HECTD4: variants seen among roughly 807,000 people sequenced by gnomAD.
HECTD4 encodes the protein probable E3 ubiquitin-protein ligase HECTD4.
A neutral mutation model predicts 471.5 loss-of-function variants in HECTD4; 114 were observed. The ratio of observed to expected loss-of-function variants is 0.24; its 90% CI spans 0.21 to 0.28. The LOEUF (loss-of-function observed/expected upper bound fraction) is 0.28. Among genes scored for constraint, HECTD4 ranks in the 10% least tolerant of loss-of-function variants. HECTD4 has a pLI of 1.00. For synonymous variants in HECTD4, 2,012 were observed against 2,256.0 expected, an observed-to-expected ratio of 0.89 and a Z score of 3.07; for missense variants, 3,866 against 5,651.5, an observed-to-expected ratio of 0.68 and a Z score of 10.13.
rs372237894 is a variant in HECTD4 at position 112,243,562 on chromosome 12, G to A, written c.4792-43C>T. ...GGACACCTGACTCCTGCTAACTGCC[G>A]CAAGACCCCGCATGCTGTTAGGTGC... On this transcript the variant is annotated intron_variant, in intron 31 of 75. Coordinates refer to ENST00000682272, the MANE Select transcript of HECTD4 (RefSeq NM_001388303.1). This position sits in a 1 kb window ranked among gnomAD's most constrained non-coding sequence, Gnocchi z 6.6. 37 of 1,599,352 alleles carry A rather than the reference G, an allele frequency of 2.3e-5. 1 individual carries two copies. The Middle Eastern group carries it at 9.9e-4, about 43-fold the overall frequency.
chr12:112,211,868 C>T (rs1033467972), intron 49 of HECTD4, among the ~76,000 whole-genome samples: 7 of 152,132 alleles, frequency 4.6e-5, no homozygotes, highest in African/African-American at 1.2e-4. Flanking sequence ...GTCTTGGTCA[C>T]GTTAACCTTG....
chr12:112,237,224 T>C (rs2033531968), intron 34 of HECTD4, 126 bp from the exon 35 acceptor site: 1 of 671,708 alleles, frequency 1.5e-6, no homozygotes, highest in East Asian at 2.9e-5. Context: ...TAATAGTGTC[T>C]CCTCATTAGA....
rs758456873 is a variant in HECTD4 at position 112,266,023 on chromosome 12, A to T, written c.2393-40T>A. The stretch of plus-strand genomic sequence containing the variant: ...AGCTCCATCAACTACCCTGGTAATG[A>T]CTCCTAGAATACTGATGCTATTTTT... On this transcript the variant is annotated intron_variant, in intron 14 of 75. Transcript: ENST00000682272. 4.3e-6 allele frequency: 6 copies of T among 1,390,800 alleles called. No homozygotes were observed. The South Asian group carries it at 5.9e-5, about 14-fold the overall frequency. 86.2% of individuals were successfully genotyped at this position (1,390,800 alleles called of 1,614,324 possible).
At chr12:112,301,852 A>T in intron 7 of HECTD4, 1 of 748,244 alleles carries the variant, frequency 1.3e-6, no homozygotes, top group Non-Finnish European at 2.3e-6. Context: ...TATGTACAGA[A>T]AACTCAACAG....
At chr12:112,218,144 T>C (rs7295628) in intron 45 of HECTD4, among the ~76,000 whole-genome samples, 67,714 of 148,172 alleles carry the variant, frequency 0.46, 19,486 homozygotes, top group East Asian at 0.91. Flanking sequence ...GGTGACAGAG[T>C]GAGACTCCAT....
chr12:112,258,303 G>A (rs759174147), intron 20 of HECTD4, 193 bp downstream of exon 20: 2 of 408,682 alleles, frequency 4.9e-6, no homozygotes, highest in East Asian at 3.7e-5. Context: ...CTTGATCCAT[G>A]GGGAAATTTA....
intron 1 of HECTD4, among the ~76,000 whole-genome samples, chr12:112,375,398 G>C (rs2036757956): frequency 6.6e-6 from 1 of 152,114 alleles, no homozygotes; most frequent in Admixed American, 6.5e-5. Context: ...GGTGGAGAGG[G>C]AGTACTTAAA....
At chr12:112,258,433 G>GTAC (rs1444546181) in intron 20 of HECTD4, 63 bp downstream of exon 20, 1 of 1,143,862 alleles carries the variant, frequency 8.7e-7, no homozygotes, top group Non-Finnish European at 1.2e-6. Context: ...CATAAAAGGA[G>GTAC]TACTACGCTT....
intron 6 of HECTD4, among the ~76,000 whole-genome samples, chr12:112,308,034 G>A (rs113282770): frequency 0.041 from 6,233 of 152,318 alleles, 281 homozygotes; most frequent in African/African-American, 0.11. Context: ...ACATAGTAAT[G>A]CCTCACAGGT....
chr12:112,364,133 G>A (rs1369432962), intron 1 of HECTD4, among the ~76,000 whole-genome samples: 1 of 150,812 alleles, frequency 6.6e-6, no homozygotes, highest in African/African-American at 2.4e-5. Flanking sequence ...GGCTGGGCAC[G>A]GTGGCTCACG....
chr12:112,205,979 T>C (rs897671670), intron 52 of HECTD4, among the ~76,000 whole-genome samples: 2 of 152,206 alleles, frequency 1.3e-5, no homozygotes, highest in Admixed American at 6.5e-5. Context: ...GAGAAGGCTA[T>C]ATGAGCTTCT....
intron 34 of HECTD4, among the ~76,000 whole-genome samples, chr12:112,238,573 C>A (rs747997231): frequency 5.9e-5 from 9 of 151,982 alleles, no homozygotes; most frequent in Non-Finnish European, 1.5e-5. Context: ...ACAACAACAA[C>A]AAAAAACCTT....
Position 112,229,899 on chromosome 12 carries a change from C to T in HECTD4, c.6337-19G>A, listed in dbSNP as rs1055235756. On this transcript the variant is annotated intron_variant, in intron 40 of 75. Transcript: ENST00000682272. The stretch of plus-strand genomic sequence containing the variant: ...ACAGAACCTAAATATAGAAGCAGCC[C>T]GTGCACTAGGAGTTAAAGCTTTGGT... 5 of 1,598,506 alleles carry T rather than the reference C, an allele frequency of 3.1e-6. No homozygotes were observed. Among genetic ancestry groups the T allele is most frequent in the Middle Eastern group, 1.7e-4 (1 of 6,028 alleles).
At chr12:112,221,285 G>C (rs2033087303) in intron 44 of HECTD4, among the ~76,000 whole-genome samples, 1 of 152,074 alleles carries the variant, frequency 6.6e-6, no homozygotes, top group Non-Finnish European at 1.5e-5. Context: ...GTCTCACTCT[G>C]TCTCTCAGGC....
intron 7 of HECTD4, among the ~76,000 whole-genome samples, chr12:112,287,177 C>G (rs1014513202): frequency 6.6e-6 from 1 of 152,188 alleles, no homozygotes; most frequent in African/African-American, 2.4e-5. Context: ...ACCCCATGCA[C>G]TCCCTCTCAC....
chr12:112,247,124 AAAC>A (rs1206772260), intron 28 of HECTD4, 48 bp from the exon 29 acceptor site: 1 of 1,403,592 alleles, frequency 7.1e-7, no homozygotes, highest in East Asian at 2.4e-5. Flanking sequence ...AGCTTATCAA[AAAC>A]AACTATTAAA....
intron 22 of HECTD4, 22 bp from the exon 23 acceptor site, chr12:112,252,550 G>T: frequency 6.3e-7 from 1 of 1,594,208 alleles, no homozygotes; most frequent in Non-Finnish European, 8.5e-7. Flanking sequence ...AGGAAGGGGG[G>T]GAAATGCACT....
intron 1 of HECTD4, among the ~76,000 whole-genome samples, chr12:112,375,561 C>A (rs764076433): frequency 6.6e-6 from 1 of 152,104 alleles, no homozygotes; most frequent in African/African-American, 2.4e-5. Flanking sequence ...TGTTCCCAAC[C>A]GCAGTTTGTA....
chr12:112,175,984 C>A, intron 65 of HECTD4, 125 bp from the exon 66 acceptor site: 2 of 1,242,624 alleles, frequency 1.6e-6, no homozygotes. Context: ...CCTCTCCCTC[C>A]CGTAACTCTG....
Sources: allele counts gnomAD v4.1 joint callset (sites outside exome capture counted in the v4.1 genomes callset), GRCh38; gene constraint gnomAD v4.1.1; non-coding constraint Gnocchi (gnomAD v3.1); transcripts MANE v1.5; gene names NCBI Gene and HGNC (gene_info 2026-07-23, HGNC 2026-07-21).